Variants in ZDHHC17 observed in about 807,000 individuals in gnomAD.
The protein encoded by ZDHHC17 is palmitoyltransferase ZDHHC17.
A neutral mutation model predicts 90.3 loss-of-function variants in ZDHHC17; 40 were observed. The observed-to-expected ratio is 0.44, with a 90% CI of 0.34 to 0.58. The LOEUF (loss-of-function observed/expected upper bound fraction) is 0.58. ZDHHC17 is among the 20% of genes least tolerant of loss of function. ZDHHC17 has a pLI of 0.01. For synonymous variants in ZDHHC17, 235 were observed against 252.4 expected, an observed-to-expected ratio of 0.93 and a Z score of 0.65; for missense variants, 614 against 780.8, an observed-to-expected ratio of 0.79 and a Z score of 2.55.
intron 15 of ZDHHC17, 53 bp from the exon 16 acceptor site, chr12:76,849,323 C>CAGAAAAAAAA (rs763941688): frequency 2.4e-6 from 1 of 415,158 alleles, no homozygotes; most frequent in Non-Finnish European, 3.5e-6. Flanking sequence ...GGTCCTGTCT[C>CAGAAAAAAAA]AAAAAAAAAA....
chr12:76,809,055 G>T lies in ZDHHC17; in HGVS notation c.333G>T (p.Ser111=). 6.6e-7 allele frequency: 1 copy of T among 1,524,450 alleles called. No homozygotes were observed. The highest frequency in any genetic ancestry group is 8.8e-7 in the Non-Finnish European group (1 of 1,136,136). 94.4% of individuals were successfully genotyped at this position (1,524,450 alleles called of 1,614,324 possible). A position where few individuals can be genotyped will look rare whatever the true frequency, so the allele number is the denominator to read the frequency against. The change falls in exon 4 of 17, where the codon TCG becomes TCT. Residue 111 remains serine, a synonymous_variant. Coordinates refer to ENST00000426126, the MANE Select transcript of ZDHHC17 (RefSeq NM_015336.4). ...NRIDLVKYYI[S]KGAIVDQLGG... The stretch of plus-strand genomic sequence containing the variant: ...TTTTGTCTTATAGATACTATATTTC[G>T]AAAGGTGCTATTGTGGATCAACTTG...
chr12:76,770,491 T>A (rs896807996), intron 1 of ZDHHC17, among the ~76,000 whole-genome samples: 1 of 152,226 alleles, frequency 6.6e-6, no homozygotes, highest in African/African-American at 2.4e-5. Flanking sequence ...TAAGATTAAC[T>A]GTAGACCTTC....
At chr12:76,833,124 A>C (rs1045664937) in intron 10 of ZDHHC17, among the ~76,000 whole-genome samples, 1 of 152,142 alleles carries the variant, frequency 6.6e-6, no homozygotes, top group Non-Finnish European at 1.5e-5. Context: ...TGTTCTAGTA[A>C]GTTCTTACTG....
At chr12:76,770,480 G>A (rs1303214077) in intron 1 of ZDHHC17, among the ~76,000 whole-genome samples, 2 of 152,218 alleles carry the variant, frequency 1.3e-5, no homozygotes, top group Admixed American at 6.5e-5. Flanking sequence ...GTAAAATGAT[G>A]TAAGATTAAC....
chr12:76,786,675 C>G (rs995896316), intron 1 of ZDHHC17, among the ~76,000 whole-genome samples: 2 of 152,144 alleles, frequency 1.3e-5, no homozygotes, highest in African/African-American at 2.4e-5. Flanking sequence ...AGGTATGCAC[C>G]ACTGCACCCA....
At chr12:76,846,512 A>T in intron 13 of ZDHHC17, 84 bp from the exon 14 acceptor site, 1 of 951,662 alleles carries the variant, frequency 1.1e-6, no homozygotes. Flanking sequence ...ACTGTAGCAC[A>T]CCTTTCATGG....
At chr12:76,829,709 T>C (rs1462302531) in intron 10 of ZDHHC17, among the ~76,000 whole-genome samples, 1 of 152,188 alleles carries the variant, frequency 6.6e-6, no homozygotes, top group Admixed American at 6.5e-5. Flanking sequence ...TAAGAGTTAA[T>C]CTTCTCACCT....
At chr12:76,773,085 T>C (rs1338857031) in intron 1 of ZDHHC17, among the ~76,000 whole-genome samples, 1 of 152,306 alleles carries the variant, frequency 6.6e-6, no homozygotes, top group East Asian at 1.9e-4. Context: ...CTTGAACTCC[T>C]GACCTCAGGT....
At chr12:76,814,809 T>G (rs977843931) in intron 5 of ZDHHC17, among the ~76,000 whole-genome samples, 1 of 152,058 alleles carries the variant, frequency 6.6e-6, no homozygotes, top group African/African-American at 2.4e-5. Flanking sequence ...TTCTCTCTTA[T>G]GCATTAGTAT....
chr12:76,791,072 C>T (rs926192208), intron 1 of ZDHHC17, among the ~76,000 whole-genome samples: 1 of 151,946 alleles, frequency 6.6e-6, no homozygotes, highest in African/African-American at 2.4e-5. Context: ...ACTCTGTATC[C>T]CATAAATATG....
chr12:76,836,305 G>T (rs1282187211), intron 10 of ZDHHC17, among the ~76,000 whole-genome samples: 2 of 150,924 alleles, frequency 1.3e-5, no homozygotes, highest in Non-Finnish European at 3.0e-5. Context: ...TTATGTTAAA[G>T]AATTTTGTAA....
intron 2 of ZDHHC17, among the ~76,000 whole-genome samples, chr12:76,800,885 C>CTTTTT (rs71085458): frequency 5.8e-4 from 63 of 108,054 alleles, no homozygotes; most frequent in Non-Finnish European, 7.5e-4. Flanking sequence ...TTTGCCATTT[C>CTTTTT]TTTTTTTTTT....
At chr12:76,823,931 C>G (rs1394834277) in intron 8 of ZDHHC17, among the ~76,000 whole-genome samples, 2 of 152,038 alleles carry the variant, frequency 1.3e-5, no homozygotes, top group East Asian at 3.9e-4. Flanking sequence ...GCTCAGTTTT[C>G]TAGGATTTAG....
chr12:76,783,736 G>A lies in ZDHHC17; in HGVS notation c.94-13698G>A, dbSNP rs976707936. Among the ~76,000 whole-genome samples the A allele has an allele frequency of 3.3e-5, 5 of 152,360 alleles. No individual in the cohort carries two copies. In the South Asian group the frequency reaches 6.2e-4, roughly 19 times the overall value. On this transcript the variant is annotated intron_variant, in intron 1 of 16. Transcript: ENST00000426126. ...AAATGTTACCTTATCAGGAAAAAGA[G>A]TTTTTACAGAAATAATTAAGTATCT...
chr12:76,784,320 A>G (rs1338274305), intron 1 of ZDHHC17, among the ~76,000 whole-genome samples: 1 of 152,224 alleles, frequency 6.6e-6, no homozygotes, highest in African/African-American at 2.4e-5. Flanking sequence ...TATCAGAGCA[A>G]CATGAATTCT....
intron 10 of ZDHHC17, chr12:76,841,076 G>A (rs1347193055): frequency 2.0e-5 from 3 of 152,240 alleles, no homozygotes; most frequent in East Asian, 3.9e-4. Context: ...GGAGAAAAAA[G>A]GAAAAGATAA....
chr12:76,771,263 A>G (rs1229748685), intron 1 of ZDHHC17, among the ~76,000 whole-genome samples: 1 of 152,240 alleles, frequency 6.6e-6, no homozygotes, highest in Admixed American at 6.5e-5. Context: ...CTAATTTGAA[A>G]GTACAGTGAA....
At chr12:76,806,263 TTG>T (rs755167995) in intron 3 of ZDHHC17, among the ~76,000 whole-genome samples, 1 of 151,904 alleles carries the variant, frequency 6.6e-6, no homozygotes, top group African/African-American at 2.4e-5. Context: ...CCCAACTAAT[TTG>T]TGTTTTTTTG....
intron 2 of ZDHHC17, among the ~76,000 whole-genome samples, chr12:76,801,206 C>T (rs1263741412): frequency 6.6e-6 from 1 of 151,310 alleles, no homozygotes; most frequent in African/African-American, 2.4e-5. Flanking sequence ...TTCTATATGC[C>T]ATATAGCTTT....
Sources: allele counts gnomAD v4.1 joint callset (sites outside exome capture counted in the v4.1 genomes callset), GRCh38; gene constraint gnomAD v4.1.1; transcripts MANE v1.5; gene names NCBI Gene and HGNC (gene_info 2026-07-23, HGNC 2026-07-21).